Variants in AGT observed in about 807,000 individuals in gnomAD.
AGT encodes angiotensinogen.
AGT carries 26 observed loss-of-function variants against 28.1 expected under a neutral mutation model. That is an observed-to-expected ratio of 0.92 (90% CI 0.68 to 1.28). The LOEUF (loss-of-function observed/expected upper bound fraction) is 1.28. Ranked by LOEUF, AGT falls within the 50% of genes most tolerant of loss-of-function variation. The probability of loss-of-function intolerance (pLI) is 0.00; values close to 1 mark genes in which losing one functional copy is unlikely to be tolerated. For synonymous variants in AGT, 259 were observed against 259.6 expected (o/e 1.00, Z 0.02); for missense variants, 596 against 592.3 (o/e 1.01, Z -0.06).
intron 1 of AGT, among the ~76,000 whole-genome samples, chr1:230,727,341 TC>T (rs1259173466): frequency 6.6e-6 from 1 of 152,098 alleles, no homozygotes; most frequent in Non-Finnish European, 1.5e-5. Flanking sequence ...ATACCAAACA[TC>T]CAGATTGTGA....
At chr1:230,729,914 C>A (rs1158023336) in intron 1 of AGT, among the ~76,000 whole-genome samples, 1 of 151,986 alleles carries the variant, frequency 6.6e-6, no homozygotes, top group African/African-American at 2.4e-5. Flanking sequence ...GTAATCCCAG[C>A]ACTTTGGGAG....
intron 1 of AGT, among the ~76,000 whole-genome samples, chr1:230,725,049 G>T (rs563820026): frequency 1.6e-4 from 24 of 152,024 alleles, no homozygotes; most frequent in Admixed American, 2.6e-4. Flanking sequence ...AAATGGAAAA[G>T]AATCTATCCT....
At position 230,710,604 on chromosome 1, in the gene AGT, C is replaced by A; in HGVS notation, c.220G>T (p.Ala74Ser). 1 of 1,614,258 alleles carries A rather than the reference C, an allele frequency of 6.2e-7. No individual in the cohort carries two copies. The highest frequency in any genetic ancestry group is 8.5e-7 in the Non-Finnish European group (1 of 1,180,046). ...QAKTSPVDEK[A>S]LQDQLVLVAA... Reference sequence around the variant, plus strand: ...ACTAGCACCAGCTGGTCCTGTAGGGCCTTTTCATCCACAGGGGATGTCTTG... The same window carrying A: ...ACTAGCACCAGCTGGTCCTGTAGGGACTTTTCATCCACAGGGGATGTCTTG... The change falls in exon 2 of 5, where the codon GCC (alanine) becomes TCC (serine). Residue 74 changes from alanine (A) to serine (S), a missense_variant. Physicochemically the swap from Ala to Ser is moderately conservative, Grantham distance 99. Coordinates refer to ENST00000366667, the MANE Select transcript of AGT (RefSeq NM_001384479.1).
intron 1 of AGT, among the ~76,000 whole-genome samples, chr1:230,745,493 A>G (rs1418405000): frequency 6.6e-6 from 1 of 152,210 alleles, no homozygotes; most frequent in African/African-American, 2.4e-5. Context: ...TGGCTTATAA[A>G]CAACAGAAAT....
chr1:230,702,982 C>T lies in AGT; in HGVS notation c.*159G>A, dbSNP rs61751079. On this transcript the variant is annotated 3_prime_UTR_variant, in exon 5 of 5. Coordinates refer to ENST00000366667, the MANE Select transcript of AGT (RefSeq NM_001384479.1). ...GCAGCACACTTAGACCAAGGAGAAA[C>T]GGCTGCTTTCCAGCTCAAAGTCGAC... 98 of 789,742 alleles carry T rather than the reference C, an allele frequency of 1.2e-4. No individual in the cohort carries two copies. The highest frequency in any genetic ancestry group is 7.6e-4 in the African/African-American group (44 of 57,624). 48.9% of individuals were successfully genotyped at this position (789,742 alleles called of 1,614,324 possible).
chr1:230,736,803 T>C (rs558579415), intron 1 of AGT, among the ~76,000 whole-genome samples: 12 of 152,334 alleles, frequency 7.9e-5, no homozygotes, highest in African/African-American at 2.9e-4. Flanking sequence ...CTTCGATCCC[T>C]TAAAAGGGTA....
At position 230,710,194 on chromosome 1, in the gene AGT, C is replaced by T. The variant is rs1448573606; in HGVS notation, c.630G>A (p.Leu210=). The T allele has an allele frequency of 6.2e-7, 1 of 1,613,840 alleles. No individual in the cohort carries two copies. The highest frequency in any genetic ancestry group is 8.5e-7 in the Non-Finnish European group (1 of 1,179,958). Residue 210 remains leucine (L), a synonymous_variant, in exon 2 of 5, where the codon CTG becomes CTA. Coordinates refer to ENST00000366667, the MANE Select transcript of AGT (RefSeq NM_001384479.1). ...VGVFTAPGLH[L]KQPFVQGLAL... is the part of the protein sequence containing the mutation. Reference sequence around the variant, plus strand: ...CCAGGCCCTGCACAAACGGCTGCTTCAGGTGCAGGCCTGGGGCTGTGAACA... The same window carrying T: ...CCAGGCCCTGCACAAACGGCTGCTTTAGGTGCAGGCCTGGGGCTGTGAACA...
intron 2 of AGT, among the ~76,000 whole-genome samples, chr1:230,708,873 A>C (rs549737907): frequency 8.5e-5 from 13 of 152,276 alleles, no homozygotes; most frequent in Admixed American, 3.3e-4. Context: ...ACACCTACCA[A>C]GCATGGCGTT....
chr1:230,743,854 G>C (rs1664292791), intron 1 of AGT, among the ~76,000 whole-genome samples: 1 of 152,244 alleles, frequency 6.6e-6, no homozygotes, highest in Non-Finnish European at 1.5e-5. Context: ...AGATGAACAA[G>C]AAGAAGAGAA....
chr1:230,721,088 C>T (rs1056272497), intron 1 of AGT, among the ~76,000 whole-genome samples: 1 of 152,164 alleles, frequency 6.6e-6, no homozygotes, highest in Non-Finnish European at 1.5e-5. Context: ...GCAAAGGGAC[C>T]GAGAAAAATC....
intron 1 of AGT, among the ~76,000 whole-genome samples, chr1:230,734,892 G>C (rs564623733): frequency 6.6e-6 from 1 of 151,430 alleles, no homozygotes; most frequent in Non-Finnish European, 1.5e-5. Flanking sequence ...TTTTTTGTAT[G>C]TTTAGTAGAG....
chr1:230,743,705 T>G (rs960272231), intron 1 of AGT, among the ~76,000 whole-genome samples: 2 of 152,240 alleles, frequency 1.3e-5, no homozygotes, highest in African/African-American at 4.8e-5. Context: ...CAGGCCCTGC[T>G]GTAAGGCCTG....
chr1:230,739,809 A>T (rs190940887), intron 1 of AGT, among the ~76,000 whole-genome samples: 48 of 152,052 alleles, frequency 3.2e-4, no homozygotes, highest in Non-Finnish European at 6.0e-4. Context: ...AGGAAGGAGG[A>T]GGAAGATCAC....
intron 2 of AGT, among the ~76,000 whole-genome samples, chr1:230,707,452 T>A (rs1211350170): frequency 1.3e-5 from 2 of 152,122 alleles, no homozygotes; most frequent in Admixed American, 1.3e-4. Flanking sequence ...GGTCCCAGCA[T>A]GAAAGTAGGG....
At chr1:230,730,374 A>G (rs913360141) in intron 1 of AGT, among the ~76,000 whole-genome samples, 1 of 152,080 alleles carries the variant, frequency 6.6e-6, no homozygotes, top group African/African-American at 2.4e-5. Context: ...GTACCCAGCC[A>G]GGATACCCTA....
chr1:230,705,853 G>A lies in AGT; in HGVS notation c.1097+80C>T, dbSNP rs566689024. On this transcript the variant is annotated intron_variant, in intron 3 of 4. Transcript: ENST00000366667. ...TCTGCACCCAAGGCTCAGCTCAGGTGTGTCTACTCCCCACCCCGCCCCCAG... is the reference window on the plus strand; with the variant it reads ...TCTGCACCCAAGGCTCAGCTCAGGTATGTCTACTCCCCACCCCGCCCCCAG... 3.6e-4 allele frequency: 572 copies of A among 1,567,442 alleles called. 3 individuals are homozygous for A. In the South Asian group the frequency reaches 6.1e-3, roughly 17 times the overall value.
chr1:230,743,719 C>T (rs7413111), intron 1 of AGT, among the ~76,000 whole-genome samples: 22,632 of 152,234 alleles, frequency 0.15, 1,932 homozygotes, highest in South Asian at 0.24. Context: ...AGGCCTGGAC[C>T]GGGTGGGGTC....
chr1:230,709,803 G>A (rs1016818988), intron 2 of AGT, among the ~76,000 whole-genome samples, 192 bp downstream of exon 2: 2 of 152,210 alleles, frequency 1.3e-5, no homozygotes, highest in Admixed American at 6.5e-5. Flanking sequence ...ACATAGTAGG[G>A]CAGCAGGTCC....
chr1:230,710,582 A>G lies in AGT; in HGVS notation c.242T>C (p.Leu81Pro). The change falls in exon 2 of 5, where the codon CTA (leucine) becomes CCA (proline). Residue 81 changes from leucine to proline, a missense_variant. Leu to Pro is a moderately conservative substitution (Grantham distance 98). Coordinates refer to ENST00000366667, the MANE Select transcript of AGT (RefSeq NM_001384479.1). ...TTCGGTGTCAAGTTTTGCAGCGACT[A>G]GCACCAGCTGGTCCTGTAGGGCCTT... ...DEKALQDQLV[L>P]VAAKLDTEDK... 6.2e-7 allele frequency: 1 copy of G among 1,614,268 alleles called. No homozygotes were observed. The highest frequency in any genetic ancestry group is 8.5e-7 in the Non-Finnish European group (1 of 1,180,058).
Sources: allele counts gnomAD v4.1 joint callset (sites outside exome capture counted in the v4.1 genomes callset), GRCh38; gene constraint gnomAD v4.1.1; transcripts MANE v1.5; gene names NCBI Gene and HGNC (gene_info 2026-07-23, HGNC 2026-07-21).